Variants in TFDP2 observed in about 807,000 individuals in gnomAD.
TFDP2 encodes the protein transcription factor Dp-2.
Under a neutral mutation model 59.3 loss-of-function variants are expected in TFDP2, and 17 were observed. The observed-to-expected ratio is 0.29, with a 90% CI of 0.20 to 0.43. TFDP2 has a LOEUF of 0.43. Ranked by LOEUF, TFDP2 falls within the 20% of genes least tolerant of loss-of-function variation. TFDP2 has a pLI of 1.00. For missense variants in TFDP2, 391 were observed against 528.8 expected, an observed-to-expected ratio of 0.74 and a Z score of 2.56; for synonymous variants, 180 against 194.7, an observed-to-expected ratio of 0.92 and a Z score of 0.63.
At chr3:142,142,939 A>G (rs1161996367) in intron 1 of TFDP2, among the ~76,000 whole-genome samples, 1 of 152,230 alleles carries the variant, frequency 6.6e-6, no homozygotes, top group African/African-American at 2.4e-5. Flanking sequence ...CTTGCCATAC[A>G]CAAAAATCAA....
intron 3 of TFDP2, among the ~76,000 whole-genome samples, chr3:142,034,809 A>G (rs1946612868): frequency 6.7e-6 from 1 of 148,796 alleles, no homozygotes; most frequent in Non-Finnish European, 1.5e-5. Flanking sequence ...TCTGCCTCCC[A>G]GGTTCTCACG....
At chr3:141,980,692 T>A (rs1941397907) in intron 6 of TFDP2, among the ~76,000 whole-genome samples, 1 of 152,012 alleles carries the variant, frequency 6.6e-6, no homozygotes, top group Non-Finnish European at 1.5e-5. Context: ...CCTACCCCCA[T>A]GACTGGCTAA....
At chr3:141,992,230 T>C (rs976544895) in intron 6 of TFDP2, among the ~76,000 whole-genome samples, 7 of 151,556 alleles carry the variant, frequency 4.6e-5, no homozygotes, top group Non-Finnish European at 1.0e-4. Context: ...TGGGGATACA[T>C]TACAGAAAAG....
In TFDP2 at chr3:141,999,316, T is replaced by C. The variant is rs557148023; in HGVS notation, c.187-4175A>G. Among the ~76,000 whole-genome samples, 4 of 152,364 alleles carry C rather than the reference T, an allele frequency of 2.6e-5. No homozygotes were observed. The East Asian group carries it at 7.7e-4, about 29-fold the overall frequency. ...ATACAGTATACAATACATATTAACA[T>C]ATGAAATAACATTAATATAACATAA... is the stretch of plus-strand genomic sequence containing the variant. On this transcript the variant is annotated intron_variant, in intron 4 of 12. Transcript: ENST00000489671.
chr3:142,048,616 A>G (rs931602360), intron 3 of TFDP2, among the ~76,000 whole-genome samples: 6 of 152,134 alleles, frequency 3.9e-5, no homozygotes, highest in Non-Finnish European at 8.8e-5. Flanking sequence ...CCCAGGCTGG[A>G]GTACGGTGGT....
At chr3:142,117,643 G>A (rs1228432567) in intron 1 of TFDP2, among the ~76,000 whole-genome samples, 1 of 152,190 alleles carries the variant, frequency 6.6e-6, no homozygotes, top group African/African-American at 2.4e-5. Context: ...GGACTTGATA[G>A]CTAATAGACC....
chr3:141,978,461 A>G, intron 7 of TFDP2, 59 bp downstream of exon 7: 5 of 1,511,072 alleles, frequency 3.3e-6, no homozygotes, highest in Non-Finnish European at 3.6e-6. Context: ...TATAACAAAG[A>G]TAACACAAAG....
intron 1 of TFDP2, among the ~76,000 whole-genome samples, chr3:142,109,861 G>A (rs2061594197): frequency 6.6e-6 from 1 of 152,048 alleles, no homozygotes; most frequent in African/African-American, 2.4e-5. Context: ...CAGAAAAAGA[G>A]ACTTATTTTT....
intron 3 of TFDP2, among the ~76,000 whole-genome samples, chr3:142,068,215 G>A (rs2108536577): frequency 6.6e-6 from 1 of 152,068 alleles, no homozygotes. Context: ...CAAATGAACT[G>A]GATATCTACA....
Position 142,092,050 on chromosome 3 carries a change from T to C in TFDP2, c.82+1011A>G, listed in dbSNP as rs202115191. Among the ~76,000 whole-genome samples the C allele has an allele frequency of 2.0e-5, 3 of 152,058 alleles. No homozygotes were observed. In the East Asian group the frequency reaches 5.8e-4, roughly 29 times the overall value. ...ACAGTTTATAATGAAAAATTTCAAA[T>C]ACACACAAAAGAGAAAGGAAAGGAA... On this transcript the variant is annotated intron_variant, in intron 3 of 12. Coordinates refer to ENST00000489671, the MANE Select transcript of TFDP2 (RefSeq NM_001178139.2).
intron 9 of TFDP2, among the ~76,000 whole-genome samples, chr3:141,966,161 TTTA>T (rs990487284): frequency 6.6e-6 from 1 of 151,918 alleles, no homozygotes; most frequent in Non-Finnish European, 1.5e-5. Flanking sequence ...ACATAATGTT[TTTA>T]TTATTATTAT....
chr3:142,141,094 C>T (rs944940842), intron 1 of TFDP2, among the ~76,000 whole-genome samples: 2 of 152,218 alleles, frequency 1.3e-5, no homozygotes, highest in South Asian at 2.1e-4. Context: ...CCTCCCCCAA[C>T]CCGGCTGCAG....
chr3:142,074,723 G>A (rs969066923), intron 3 of TFDP2, among the ~76,000 whole-genome samples: 5 of 151,728 alleles, frequency 3.3e-5, no homozygotes, highest in Admixed American at 6.6e-5. Flanking sequence ...ATGGTGGCGG[G>A]TGCCTGCAAT....
intron 3 of TFDP2, among the ~76,000 whole-genome samples, chr3:142,081,070 C>T (rs1304653662): frequency 3.3e-5 from 5 of 152,164 alleles, no homozygotes; most frequent in Admixed American, 3.3e-4. Context: ...TTCTCAAGAG[C>T]AGACCAAATG....
intron 1 of TFDP2, among the ~76,000 whole-genome samples, chr3:142,129,506 G>A (rs532111781): frequency 6.6e-6 from 1 of 151,928 alleles, no homozygotes; most frequent in African/African-American, 2.4e-5. Context: ...TATTAACAGA[G>A]TAAAAATGCT....
chr3:141,978,616 C>T lies in TFDP2; in HGVS notation c.423G>A (p.Glu141=). 6.2e-7 allele frequency: 1 copy of T among 1,613,708 alleles called. No homozygotes were observed. The highest frequency in any genetic ancestry group is 8.5e-7 in the Non-Finnish European group (1 of 1,179,890). ...ATGTTGTACCTTTTCGTTGAACTTTCTCACACACTTTCATTGAAAAGTGTC... is the reference window on the plus strand; with the variant it reads ...ATGTTGTACCTTTTCGTTGAACTTTTTCACACACTTTCATTGAAAAGTGTC... ...GLRHFSMKVC[E]KVQRKGTTSY... Residue 141 remains glutamate, a synonymous_variant, in exon 7 of 13, where the codon GAG becomes GAA. Coordinates refer to ENST00000489671, the MANE Select transcript of TFDP2 (RefSeq NM_001178139.2).
chr3:142,127,343 T>C, intron 1 of TFDP2, among the ~76,000 whole-genome samples: 2 of 143,106 alleles, frequency 1.4e-5, no homozygotes, highest in African/African-American at 5.1e-5. Flanking sequence ...AGTCTCGCTG[T>C]GTTGCCAGCC....
At chr3:142,003,249 T>G (rs145528333) in intron 4 of TFDP2, among the ~76,000 whole-genome samples, 1 of 152,122 alleles carries the variant, frequency 6.6e-6, no homozygotes, top group African/African-American at 2.4e-5. Flanking sequence ...TCCACCCACC[T>G]TGGCCTCCCA....
intron 3 of TFDP2, among the ~76,000 whole-genome samples, chr3:142,019,066 T>G (rs978449998): frequency 7.9e-5 from 12 of 151,788 alleles, no homozygotes; most frequent in Non-Finnish European, 1.3e-4. Context: ...TTTTTTTTTT[T>G]TTTTTTTGTT....
Sources: gnomAD v4.1 joint callset for allele counts (sites outside exome capture counted in the v4.1 genomes callset) on GRCh38, gnomAD v4.1.1 for gene constraint, MANE v1.5 for transcripts, NCBI Gene and HGNC (gene_info 2026-07-23, HGNC 2026-07-21) for gene names.